ROCK1: variants seen among roughly 807,000 people sequenced by gnomAD.
ROCK1 encodes Rho associated coiled-coil containing protein kinase 1, also known as rho-associated protein kinase 1.
Under a neutral mutation model 196.8 loss-of-function variants are expected in ROCK1, and 36 were observed. The observed-to-expected ratio is 0.18, with a 90% CI of 0.14 to 0.24. The LOEUF (loss-of-function observed/expected upper bound fraction) is 0.24, where lower values mean the gene tolerates loss of function less well. Among genes scored for constraint, ROCK1 ranks in the 10% least tolerant of loss-of-function variants. The pLI is 1.00. For missense variants in ROCK1, 920 were observed against 1,562.0 expected, an observed-to-expected ratio of 0.59 and a Z score of 6.93; for synonymous variants, 443 against 515.9, an observed-to-expected ratio of 0.86 and a Z score of 1.91.
At chr18:20,957,727 T>G (rs2035258315) in intron 29 of ROCK1, among the ~76,000 whole-genome samples, 3 of 150,966 alleles carry the variant, frequency 2.0e-5, no homozygotes, top group African/African-American at 7.3e-5. Flanking sequence ...CTCGTGATCC[T>G]CCCACCTCAG....
intron 22 of ROCK1, among the ~76,000 whole-genome samples, 183 bp downstream of exon 22, chr18:20,979,727 T>C (rs1408164610): frequency 6.6e-6 from 1 of 152,236 alleles, no homozygotes; most frequent in Non-Finnish European, 1.5e-5. Flanking sequence ...CAGTGTTGAT[T>C]TATAGCACTG....
At chr18:21,021,833 G>A (rs1269945420) in intron 11 of ROCK1, among the ~76,000 whole-genome samples, 1 of 152,132 alleles carries the variant, frequency 6.6e-6, no homozygotes, top group Admixed American at 6.6e-5. Context: ...CTACAGTCAA[G>A]TAACACAGTG....
intron 2 of ROCK1, among the ~76,000 whole-genome samples, chr18:21,068,174 T>A (rs2036353809): frequency 6.6e-6 from 1 of 152,250 alleles, no homozygotes; most frequent in South Asian, 2.1e-4. Flanking sequence ...TTCTATGTTT[T>A]CTTCTAGAAG....
rs375369093 is a variant in ROCK1, at chr18:20,959,945, G to T, written c.3424-17C>A. The T allele has an allele frequency of 1.3e-6, 2 of 1,497,068 alleles. No homozygotes were observed. The highest frequency in any genetic ancestry group is 1.7e-5 in the Admixed American group (1 of 57,226). 92.7% of individuals were successfully genotyped at this position (1,497,068 alleles called of 1,614,324 possible). A position where few individuals can be genotyped will look rare whatever the true frequency, so the allele number is the denominator to read the frequency against. ...CACAACATACTGAAATAAGAAAAAG[G>T]GGGGAAGAGTTACAAGAGCAACATT... On this transcript the variant is annotated splice_polypyrimidine_tract_variant and intron_variant, in intron 28 of 32. Coordinates refer to ENST00000399799, the MANE Select transcript of ROCK1 (RefSeq NM_005406.3).
chr18:20,978,718 A>G (rs1266167921), intron 22 of ROCK1, among the ~76,000 whole-genome samples: 1 of 152,198 alleles, frequency 6.6e-6, no homozygotes, highest in Non-Finnish European at 1.5e-5. Context: ...GGACAAAAAA[A>G]TCCAGTTTCT....
At chr18:20,991,956 AT>A (rs1433940320) in intron 17 of ROCK1, among the ~76,000 whole-genome samples, 1 of 152,196 alleles carries the variant, frequency 6.6e-6, no homozygotes, top group Non-Finnish European at 1.5e-5. Flanking sequence ...CTTTAAAAAA[AT>A]ATATTAAATC....
chr18:21,017,986 AC>A (rs1275820292), intron 12 of ROCK1, among the ~76,000 whole-genome samples: 1 of 151,868 alleles, frequency 6.6e-6, no homozygotes, highest in African/African-American at 2.4e-5. Flanking sequence ...AAAAATAAAA[AC>A]AAAAAAAAAA....
At chr18:21,006,970 C>A (rs2035774063) in intron 14 of ROCK1, among the ~76,000 whole-genome samples, 180 bp from the exon 15 acceptor site, 2 of 152,118 alleles carry the variant, frequency 1.3e-5, no homozygotes, top group African/African-American at 4.8e-5. Flanking sequence ...AAAAGTAGAA[C>A]ATTATCTTCT....
Position 21,110,953 on chromosome 18 carries a change from C to A in ROCK1, c.-43G>T. The A allele has an allele frequency of 1.3e-6, 2 of 1,537,240 alleles. No homozygotes were observed. The highest frequency in any genetic ancestry group is 1.4e-5 in the African/African-American group (1 of 73,448). On this transcript the variant is annotated 5_prime_UTR_variant, in exon 1 of 33. Coordinates refer to ENST00000399799, the MANE Select transcript of ROCK1 (RefSeq NM_005406.3). ...AATGCCCTCTTACCAGCACCAGCAG[C>A]GGAAAGCAATTTCAACCAACTTCCT...
chr18:20,969,630 T>G (rs890600835), intron 23 of ROCK1, among the ~76,000 whole-genome samples: 4 of 152,176 alleles, frequency 2.6e-5, no homozygotes, highest in Non-Finnish European at 5.9e-5. Flanking sequence ...TAGTAATATA[T>G]AATCATTACT....
intron 12 of ROCK1, among the ~76,000 whole-genome samples, chr18:21,016,826 T>TTA (rs769019453): frequency 1.3e-5 from 2 of 152,126 alleles, no homozygotes; most frequent in African/African-American, 2.4e-5. Flanking sequence ...TACTTATTAG[T>TTA]TTAATGACTT....
chr18:20,977,247 T>C (rs1326100506), intron 22 of ROCK1, among the ~76,000 whole-genome samples: 4 of 152,164 alleles, frequency 2.6e-5, no homozygotes. Context: ...GAATAGACAA[T>C]AGACAACAAT....
At chr18:20,977,070 T>C (rs972290322) in intron 22 of ROCK1, among the ~76,000 whole-genome samples, 7 of 152,216 alleles carry the variant, frequency 4.6e-5, no homozygotes, top group Non-Finnish European at 1.0e-4. Context: ...AGCGGTTATA[T>C]AATTGGGCTC....
chr18:21,019,730 G>A lies in ROCK1; in HGVS notation c.1361+421C>T, dbSNP rs1361750028. The stretch of plus-strand genomic sequence containing the variant: ...GGAGAATGGCGTGAACCCGGGAGGC[G>A]GAGCTTGCAGTGAGCCAAGATCGTG... On this transcript the variant is annotated intron_variant, in intron 12 of 32. Coordinates refer to ENST00000399799, the MANE Select transcript of ROCK1 (RefSeq NM_005406.3). 1.4e-4 allele frequency among the ~76,000 whole-genome samples: 21 copies of A among 151,502 alleles called. No homozygotes were observed. The East Asian group carries it at 2.0e-3, about 14-fold the overall frequency.
At chr18:21,055,622 C>A (rs1214360420) in intron 2 of ROCK1, among the ~76,000 whole-genome samples, 1 of 152,154 alleles carries the variant, frequency 6.6e-6, no homozygotes, top group African/African-American at 2.4e-5. Context: ...AAGGACATTG[C>A]TCAAGCAATT....
chr18:21,020,341 T>G, intron 11 of ROCK1, 102 bp from the exon 12 acceptor site: 1 of 551,918 alleles, frequency 1.8e-6, no homozygotes, highest in Non-Finnish European at 3.0e-6. Context: ...TAGAAAATAA[T>G]TTAATTTAAT....
chr18:21,040,795 A>C (rs1330048233), intron 8 of ROCK1, among the ~76,000 whole-genome samples: 3 of 152,154 alleles, frequency 2.0e-5, no homozygotes, highest in Non-Finnish European at 4.4e-5. Flanking sequence ...TATCCCTAGC[A>C]CCTAATAAAC....
rs141484437 is a variant in ROCK1, at chr18:21,103,142, A to T, written c.93+7676T>A. 2.5e-4 allele frequency among the ~76,000 whole-genome samples: 38 copies of T among 152,296 alleles called. No individual in the cohort carries two copies. In the East Asian group the frequency reaches 6.0e-3, roughly 24 times the overall value. Reference sequence around the variant, plus strand: ...AGAGGGCAAGTATACTAGAGAAGAAAATCATATCTTTACATTTTAATAGAT... The same window carrying T: ...AGAGGGCAAGTATACTAGAGAAGAATATCATATCTTTACATTTTAATAGAT... On this transcript the variant is annotated intron_variant, in intron 1 of 32. Transcript: ENST00000399799.
chr18:21,044,406 T>C (rs2036137234), intron 5 of ROCK1, among the ~76,000 whole-genome samples: 1 of 152,186 alleles, frequency 6.6e-6, no homozygotes, highest in Non-Finnish European at 1.5e-5. Context: ...TTTTTAAAAG[T>C]TTCATTCTTT....
Sources: gnomAD v4.1 joint callset for allele counts (sites outside exome capture counted in the v4.1 genomes callset) on GRCh38, gnomAD v4.1.1 for gene constraint, MANE v1.5 for transcripts, NCBI Gene and HGNC (gene_info 2026-07-23, HGNC 2026-07-21) for gene names.